The following ANXA7 variants were observed in gnomAD, a reference collection of about 807,000 sequenced individuals.
The protein encoded by ANXA7 is annexin A7.
ANXA7 carries 55 observed loss-of-function variants against 64.9 expected under a neutral mutation model. The observed-to-expected ratio is 0.85, with a 90% CI of 0.68 to 1.06. ANXA7 has a LOEUF of 1.06. ANXA7 is among the 50% of genes least tolerant of loss of function. The pLI is 0.00. For missense variants in ANXA7, 548 were observed against 582.1 expected (o/e 0.94, Z 0.60); for synonymous variants, 200 against 192.4 (o/e 1.04, Z -0.33).
At chr10:73,409,779 A>AG (rs2055811815) in intron 1 of ANXA7, among the ~76,000 whole-genome samples, 1 of 152,358 alleles carries the variant, frequency 6.6e-6, no homozygotes, top group South Asian at 2.1e-4. Flanking sequence ...ACAAGCCTAT[A>AG]GCTACCACAA....
chr10:73,409,004 A>G (rs2055801583), intron 1 of ANXA7, among the ~76,000 whole-genome samples: 1 of 152,252 alleles, frequency 6.6e-6, no homozygotes, highest in Non-Finnish European at 1.5e-5. Context: ...CAAATGAGGC[A>G]TAGAAAGGAC....
intron 2 of ANXA7, among the ~76,000 whole-genome samples, chr10:73,398,918 A>ACT (rs774067271): frequency 2.6e-5 from 4 of 151,820 alleles, no homozygotes; most frequent in African/African-American, 4.8e-5. Flanking sequence ...TGTTCACTGA[A>ACT]CTCTTTCTCC....
At chr10:73,384,442 C>G (rs1412755399) in intron 7 of ANXA7, among the ~76,000 whole-genome samples, 1 of 152,020 alleles carries the variant, frequency 6.6e-6, no homozygotes, top group Non-Finnish European at 1.5e-5. Flanking sequence ...CGCTCTGTGG[C>G]CCAGGCTGGA....
In ANXA7 at chr10:73,379,479, G is replaced by A. The variant is rs569680609; in HGVS notation, c.1165+400C>T. 3.3e-5 allele frequency among the ~76,000 whole-genome samples: 5 copies of A among 152,328 alleles called. No homozygotes were observed. The South Asian group carries it at 1.0e-3, about 32-fold the overall frequency. On this transcript the variant is annotated intron_variant, in intron 11 of 12. Coordinates refer to ENST00000372921, the MANE Select transcript of ANXA7 (RefSeq NM_001156.5). ...AAGGAAATGAGTCTCACTGGGCTGA[G>A]TACCTGAAATATCTGTTTTGAGGAC...
intron 2 of ANXA7, among the ~76,000 whole-genome samples, chr10:73,400,188 T>C (rs1216660430): frequency 6.6e-6 from 1 of 151,966 alleles, no homozygotes. Context: ...GCACAATTCT[T>C]ACTTATGGCT....
chr10:73,379,884 GTCT>G lies in ANXA7; in HGVS notation c.1157_1159del (p.Lys386del), dbSNP rs1351166733. 1 of 1,613,838 alleles carries G rather than the reference GTCT, an allele frequency of 6.2e-7. No homozygotes were observed. Among genetic ancestry groups the G allele is most frequent in the Admixed American group, 1.7e-5 (1 of 59,988 alleles). On this transcript the variant is annotated inframe_deletion, in exon 11 of 13. Transcript: ENST00000372921. Reference sequence around the variant, plus strand: ...AAAGCACAAAAATATCTTACAGATGGTCTTCAAACCACTTTCTACATATCCGGA... The same window carrying G: ...AAAGCACAAAAATATCTTACAGATGGTCAAACCACTTTCTACATATCCGGA...
At chr10:73,405,960 C>T (rs115526794) in intron 1 of ANXA7, among the ~76,000 whole-genome samples, 6,217 of 144,492 alleles carry the variant, frequency 0.043, 388 homozygotes, top group African/African-American at 0.15. Context: ...TTTTTCTCTT[C>T]TTTTTTTTTT....
chr10:73,398,478 C>G, intron 2 of ANXA7, 93 bp from the exon 3 acceptor site: 1 of 1,111,216 alleles, frequency 9.0e-7, no homozygotes, highest in Non-Finnish European at 1.3e-6. Context: ...TTATTAAGGT[C>G]TACCTCATTC....
rs753729073 is a variant in ANXA7 at position 73,387,770 on chromosome 10, C to G, written c.552G>C (p.Gln184His). 1 of 1,611,878 alleles carries G rather than the reference C, an allele frequency of 6.2e-7. No homozygotes were observed. Among genetic ancestry groups the G allele is most frequent in the South Asian group, 1.1e-5 (1 of 90,820 alleles). The change falls in exon 7 of 13, where the codon CAG becomes CAC. Residue 184 changes from glutamine (Q) to histidine (H), a missense_variant. Gln to His is a conservative substitution (Grantham distance 24, BLOSUM62 0). Transcript: ENST00000372921. ...GGTTGGCCACCACATCCACAATTGC[C>G]TGCTCATCTGTCCCTGGAAGAACCA... ...KAMKGFGTDE[Q>H]AIVDVVANRS...
intron 5 of ANXA7, 28 bp downstream of exon 5, chr10:73,396,491 G>A (rs1285583384): frequency 6.4e-7 from 1 of 1,555,830 alleles, no homozygotes; most frequent in African/African-American, 1.4e-5. Flanking sequence ...GCTACCTAGA[G>A]TGAGCTTAAA....
At chr10:73,391,568 C>G (rs1047745664) in intron 5 of ANXA7, among the ~76,000 whole-genome samples, 18 of 152,102 alleles carry the variant, frequency 1.2e-4, no homozygotes, top group Admixed American at 2.0e-4. Flanking sequence ...GCTTTGATCA[C>G]GCCACTGTAC....
intron 5 of ANXA7, among the ~76,000 whole-genome samples, chr10:73,394,943 C>T (rs1296016751): frequency 1.3e-5 from 2 of 152,058 alleles, no homozygotes; most frequent in Non-Finnish European, 2.9e-5. Flanking sequence ...CATATTCAGT[C>T]GTAAAATGAT....
At chr10:73,398,459 CAG>C (rs2055611926) in intron 2 of ANXA7, 74 bp from the exon 3 acceptor site, 2 of 1,346,784 alleles carry the variant, frequency 1.5e-6, no homozygotes, top group South Asian at 2.6e-5. Context: ...AAGGAACAAA[CAG>C]AGGTTATTAT....
At chr10:73,397,408 T>A in intron 3 of ANXA7, 134 bp from the exon 4 acceptor site, 1 of 429,772 alleles carries the variant, frequency 2.3e-6, no homozygotes, top group East Asian at 3.6e-5. Context: ...TTTATCTAGA[T>A]TCAAAACTTC....
rs747908900 is a variant in ANXA7 at position 73,395,872 on chromosome 10, C to T, written c.435+647G>A. 11 of 693,402 alleles carry T rather than the reference C, an allele frequency of 1.6e-5. No homozygotes were observed. In the African/African-American group the frequency reaches 1.9e-4, roughly 12 times the overall value. 43.0% of individuals were successfully genotyped at this position (693,402 alleles called of 1,614,324 possible). A position where few individuals can be genotyped will look rare whatever the true frequency, so the allele number is the denominator to read the frequency against. ...GCAGCTAATGAGAAAATCCAGTCAA[C>T]AGACTAACTGGCTACTATGTCTAAA... On this transcript the variant is annotated intron_variant, in intron 5 of 12. Transcript: ENST00000372921.
intron 5 of ANXA7, among the ~76,000 whole-genome samples, 153 bp from the exon 6 acceptor site, chr10:73,388,567 A>G (rs1564525456): frequency 6.6e-6 from 1 of 152,198 alleles, no homozygotes; most frequent in Non-Finnish European, 1.5e-5. Flanking sequence ...AGAGCTCATT[A>G]TGGAACAGAC....
intron 12 of ANXA7, 106 bp from the exon 13 acceptor site, chr10:73,376,323 G>A: frequency 9.2e-7 from 1 of 1,085,876 alleles, no homozygotes; most frequent in African/African-American, 1.6e-5. Context: ...AACTTGGGGG[G>A]GAAAACACCA....
chr10:73,385,709 C>T (rs2055357143), intron 7 of ANXA7, among the ~76,000 whole-genome samples: 1 of 151,898 alleles, frequency 6.6e-6, no homozygotes, highest in East Asian at 1.9e-4. Flanking sequence ...AAATTCATAA[C>T]ATGGAAAATA....
rs1372214887 is a variant in ANXA7, at chr10:73,400,814, G to T, written c.43C>A (p.Pro15Thr). The change falls in exon 2 of 13, where the codon CCT becomes ACT. Residue 15 changes from proline (P) to threonine (T), a missense_variant. Pro to Thr is a conservative substitution (Grantham distance 38). Transcript: ENST00000372921. ...GYPPTGYPPFPGYPPAGQESS... is the reference protein window; with the variant it reads ...GYPPTGYPPFTGYPPAGQESS... Reference sequence around the variant, plus strand: ...GTGGCAATACTTACAGGATATCCAGGGAAAGGTGGGTAGCCTGTTGGGGGA... The same window carrying T: ...GTGGCAATACTTACAGGATATCCAGTGAAAGGTGGGTAGCCTGTTGGGGGA... 6.2e-7 allele frequency: 1 copy of T among 1,605,620 alleles called. No individual in the cohort carries two copies. The highest frequency in any genetic ancestry group is 8.5e-7 in the Non-Finnish European group (1 of 1,175,326).
Sources: gnomAD v4.1 joint callset for allele counts (sites outside exome capture counted in the v4.1 genomes callset) on GRCh38, gnomAD v4.1.1 for gene constraint, MANE v1.5 for transcripts, NCBI Gene and HGNC (gene_info 2026-07-23, HGNC 2026-07-21) for gene names.